GALNTL6: variants seen among roughly 807,000 people sequenced by gnomAD.
GALNTL6 encodes polypeptide N-acetylgalactosaminyltransferase like 6.
In GALNTL6, 46 loss-of-function variants were observed where a neutral mutation model predicts 73.7. The ratio of observed to expected loss-of-function variants is 0.62; its 90% CI spans 0.49 to 0.80. The LOEUF is 0.80. Ranked by LOEUF, GALNTL6 falls within the 30% of genes least tolerant of loss-of-function variation. The pLI is 0.00. For missense variants in GALNTL6, 604 were observed against 755.0 expected (o/e 0.80, Z 2.34); for synonymous variants, 259 against 263.7 (o/e 0.98, Z 0.17).
intron 2 of GALNTL6, among the ~76,000 whole-genome samples, chr4:172,174,449 G>A (rs1201444581): frequency 1.3e-5 from 2 of 151,882 alleles, no homozygotes; most frequent in Non-Finnish European, 2.9e-5. Flanking sequence ...CATGATTCTG[G>A]CTTCACTGGG....
At chr4:172,125,001 GGCCATAACA>G in intron 2 of GALNTL6, among the ~76,000 whole-genome samples, 1 of 152,184 alleles carries the variant, frequency 6.6e-6, no homozygotes, top group East Asian at 1.9e-4. Context: ...TTCAGCATCA[GGCCATAACA>G]GCAGAGTTAA....
intron 5 of GALNTL6, chr4:172,668,047 T>C (rs1036770263): frequency 6.6e-6 from 1 of 152,190 alleles, no homozygotes. Context: ...TGCCCTAATG[T>C]GTCTTTGGTC....
chr4:172,348,114 A>G (rs956799288), intron 4 of GALNTL6, among the ~76,000 whole-genome samples: 2 of 152,230 alleles, frequency 1.3e-5, no homozygotes, highest in African/African-American at 4.8e-5. Flanking sequence ...CTAATTAAAC[A>G]TAAATATTAC....
At position 173,007,271 on chromosome 4, in the gene GALNTL6, T is replaced by A. The variant is rs17059081; in HGVS notation, c.1372-1907T>A. Reference sequence around the variant, plus strand: ...AGAGACTCCTTTCCTTATCTACTCATCCAGGCAAAAGAACCTTGGTTAAAT... The same window carrying A: ...AGAGACTCCTTTCCTTATCTACTCAACCAGGCAAAAGAACCTTGGTTAAAT... On this transcript the variant is annotated intron_variant, in intron 10 of 12. Transcript: ENST00000506823. Among the ~76,000 whole-genome samples, 1,393 of 152,224 alleles carry A rather than the reference T, an allele frequency of 9.2e-3. 26 individuals are homozygous for A. Among genetic ancestry groups the A allele is most frequent in the African/African-American group, 0.032 (1,320 of 41,522 alleles).
At chr4:172,265,443 G>T (rs1427448435) in intron 3 of GALNTL6, among the ~76,000 whole-genome samples, 1 of 152,000 alleles carries the variant, frequency 6.6e-6, no homozygotes, top group African/African-American at 2.4e-5. Context: ...GCATTTCATT[G>T]GGTTGTCAGT....
chr4:172,635,671 G>A (rs755349806), intron 5 of GALNTL6, among the ~76,000 whole-genome samples: 2 of 152,000 alleles, frequency 1.3e-5, no homozygotes, highest in African/African-American at 2.4e-5. Flanking sequence ...AACATTCCTT[G>A]TAAAACATAG....
intron 5 of GALNTL6, among the ~76,000 whole-genome samples, chr4:172,384,180 T>C (rs1358321295): frequency 6.6e-6 from 1 of 152,170 alleles, no homozygotes; most frequent in Non-Finnish European, 1.5e-5. Context: ...CTGGTATTAA[T>C]TAAATGTTTG....
chr4:173,007,329 T>C (rs1752346917), intron 10 of GALNTL6, among the ~76,000 whole-genome samples: 2 of 152,190 alleles, frequency 1.3e-5, no homozygotes, highest in Admixed American at 1.3e-4. Context: ...TTTGTTTCCA[T>C]TCTTATAAGG....
intron 2 of GALNTL6, among the ~76,000 whole-genome samples, chr4:171,835,726 T>C (rs1339079215): frequency 6.6e-6 from 1 of 151,978 alleles, no homozygotes; most frequent in East Asian, 1.9e-4. Context: ...TCTATATTGT[T>C]ACAAGTATAT....
intron 2 of GALNTL6, among the ~76,000 whole-genome samples, chr4:172,177,774 C>CATGTGTAT (rs1735062958): frequency 5.0e-5 from 5 of 99,224 alleles, no homozygotes; most frequent in African/African-American, 9.0e-5. Flanking sequence ...TATATGTACA[C>CATGTGTAT]ATATATACAC....
At chr4:172,559,721 A>G (rs1736282248) in intron 5 of GALNTL6, among the ~76,000 whole-genome samples, 1 of 152,214 alleles carries the variant, frequency 6.6e-6, no homozygotes, top group African/African-American at 2.4e-5. Context: ...TCATTGAGAT[A>G]TCAGCATTAG....
At chr4:172,754,466 G>A (rs1034724843) in intron 5 of GALNTL6, among the ~76,000 whole-genome samples, 2 of 152,120 alleles carry the variant, frequency 1.3e-5, no homozygotes, top group African/African-American at 4.8e-5. Flanking sequence ...CAGCTACTGA[G>A]GAGGCTGAGG....
chr4:172,974,587 G>C (rs930653390), intron 10 of GALNTL6, among the ~76,000 whole-genome samples: 4 of 152,238 alleles, frequency 2.6e-5, no homozygotes, highest in African/African-American at 9.6e-5. Flanking sequence ...TTGGGGTGTT[G>C]TTTTGCCAGC....
chr4:171,923,648 C>T (rs891990310), intron 2 of GALNTL6, among the ~76,000 whole-genome samples: 6 of 151,212 alleles, frequency 4.0e-5, no homozygotes, highest in Non-Finnish European at 8.8e-5. Context: ...CCTTGTGATC[C>T]ACCCGCCTTG....
chr4:172,882,030 A>T (rs142286699), intron 7 of GALNTL6, among the ~76,000 whole-genome samples: 127 of 152,248 alleles, frequency 8.3e-4, no homozygotes, highest in Middle Eastern at 3.4e-3. Flanking sequence ...GTCCAAAAAA[A>T]AAAAAATAAA....
intron 12 of GALNTL6, among the ~76,000 whole-genome samples, chr4:173,033,769 G>T (rs180727334): frequency 1.2e-4 from 18 of 152,262 alleles, no homozygotes; most frequent in African/African-American, 4.1e-4. Flanking sequence ...AGCCATATTA[G>T]ACACAAAAGG....
intron 7 of GALNTL6, among the ~76,000 whole-genome samples, chr4:172,833,081 G>A (rs548402652): frequency 1.3e-5 from 2 of 151,562 alleles, no homozygotes; most frequent in South Asian, 2.1e-4. Context: ...ATGTGTGTGC[G>A]CTTGGGGGTG....
intron 5 of GALNTL6, among the ~76,000 whole-genome samples, chr4:172,790,505 G>C (rs80238487): frequency 0.038 from 5,804 of 152,226 alleles, 381 homozygotes; most frequent in African/African-American, 0.13. Context: ...AGAAACTAAC[G>C]CCATGGTGCC....
At chr4:172,406,825 A>T (rs1201073637) in intron 5 of GALNTL6, among the ~76,000 whole-genome samples, 2 of 152,044 alleles carry the variant, frequency 1.3e-5, no homozygotes, top group Non-Finnish European at 2.9e-5. Flanking sequence ...CTTTAGATTT[A>T]AAAAGTTTAT....
Sources: gnomAD v4.1 joint callset for allele counts (sites outside exome capture counted in the v4.1 genomes callset) on GRCh38, gnomAD v4.1.1 for gene constraint, MANE v1.5 for transcripts, NCBI Gene and HGNC (gene_info 2026-07-23, HGNC 2026-07-21) for gene names.